DUSP19: variants seen among roughly 807,000 people sequenced by gnomAD.
DUSP19 encodes dual specificity protein phosphatase 19.
Under a neutral mutation model 16.6 loss-of-function variants are expected in DUSP19, and 14 were observed. The ratio of observed to expected loss-of-function variants is 0.84; its 90% CI spans 0.56 to 1.32. The LOEUF (loss-of-function observed/expected upper bound fraction) is 1.32, where lower values mean the gene tolerates loss of function less well. Ranked by LOEUF, DUSP19 falls within the 40% of genes most tolerant of loss-of-function variation. DUSP19 has a pLI of 0.00. For missense variants in DUSP19, 258 were observed against 255.9 expected (o/e 1.01, Z -0.06); for synonymous variants, 81 against 90.5 (o/e 0.90, Z 0.59).
intron 1 of DUSP19, among the ~76,000 whole-genome samples, chr2:183,082,009 T>A (rs1035316758): frequency 6.6e-6 from 1 of 152,206 alleles, no homozygotes; most frequent in African/African-American, 2.4e-5. Flanking sequence ...GCTTATTAAC[T>A]AGAGCCAGTT....
intron 3 of DUSP19, among the ~76,000 whole-genome samples, chr2:183,092,699 G>GTTTTTTTTTTTTTTTTTT (rs781697293): frequency 1.7e-5 from 2 of 119,176 alleles, no homozygotes. Flanking sequence ...TTCTGCCCAA[G>GTTTTTTTTTTTTTTTTTT]TTTTTTTTTT....
intron 1 of DUSP19, among the ~76,000 whole-genome samples, chr2:183,079,640 CT>C (rs1699567308): frequency 2.0e-5 from 3 of 152,296 alleles, no homozygotes; most frequent in Admixed American, 1.3e-4. Flanking sequence ...GTGGCCACGT[CT>C]GTTCATGGTG....
chr2:183,085,964 C>T (rs1699657025), intron 2 of DUSP19, among the ~76,000 whole-genome samples: 1 of 133,086 alleles, frequency 7.5e-6, no homozygotes, highest in Non-Finnish European at 1.5e-5. Context: ...CTCCTGGGTT[C>T]AAGTGATTCT....
At chr2:183,085,870 T>G (rs1198141353) in intron 2 of DUSP19, among the ~76,000 whole-genome samples, 2 of 128,808 alleles carry the variant, frequency 1.6e-5, no homozygotes, top group South Asian at 2.8e-4. Flanking sequence ...TTTTTTTTTT[T>G]TTTTTTTTTT....
In DUSP19 at chr2:183,079,009, C is replaced by G. The variant is rs1699555867; in HGVS notation, c.76C>G (p.Leu26Val). ...GAAGCAATGCACCAGGGTGACAACG[C>G]TAACTGGAAAGAAAATTATAGAAAC... Reference protein sequence around the residue: ...LRKQCTRVTTLTGKKIIETWK... With the variant: ...LRKQCTRVTTVTGKKIIETWK... The change falls in exon 1 of 4, where the codon CTA (leucine) becomes GTA (valine). Residue 26 changes from leucine to valine, a missense_variant. By Grantham distance (32) the Leu-to-Val change is conservative. Transcript: ENST00000354221. The G allele has an allele frequency of 1.2e-6, 2 of 1,614,118 alleles. No homozygotes were observed.
In DUSP19 at chr2:183,087,167, A is replaced by T; in HGVS notation, c.401A>T (p.Glu134Val). The T allele has an allele frequency of 6.2e-7, 1 of 1,612,918 alleles. No individual in the cohort carries two copies. Among genetic ancestry groups the T allele is most frequent in the Non-Finnish European group, 8.5e-7 (1 of 1,179,772 alleles). The change falls in exon 3 of 4, where the codon GAA becomes GTA. Residue 134 changes from glutamate to valine, a missense_variant. By Grantham distance (121) the Glu-to-Val change is moderately radical (BLOSUM62 -2). Coordinates refer to ENST00000354221, the MANE Select transcript of DUSP19 (RefSeq NM_080876.4). The stretch of plus-strand genomic sequence containing the variant: ...CTGTCTTATTTTCCAGAATGTTTTG[A>T]ATTTATTGAAGAAGCAAAAAGAAAA... ...NILSYFPECFEFIEEAKRKDG... is the reference protein window; with the variant it reads ...NILSYFPECFVFIEEAKRKDG...
chr2:183,089,272 A>G (rs1464992739), intron 3 of DUSP19, among the ~76,000 whole-genome samples: 1 of 152,176 alleles, frequency 6.6e-6, no homozygotes, highest in Non-Finnish European at 1.5e-5. Flanking sequence ...ACTGTTGGCT[A>G]TTCAGCAGGT....
chr2:183,087,614 A>G lies in DUSP19; in HGVS notation c.426+422A>G, dbSNP rs551167292. ...TCTGAAGTTAGAAGACCAATAGCCAATGTCATATAGTACTTCAGGCTTGTT... is the reference window on the plus strand; with the variant it reads ...TCTGAAGTTAGAAGACCAATAGCCAGTGTCATATAGTACTTCAGGCTTGTT... On this transcript the variant is annotated intron_variant, in intron 3 of 3. Coordinates refer to ENST00000354221, the MANE Select transcript of DUSP19 (RefSeq NM_080876.4). 5.9e-5 allele frequency among the ~76,000 whole-genome samples: 9 copies of G among 152,360 alleles called. No homozygotes were observed. In the South Asian group the frequency reaches 1.7e-3, roughly 28 times the overall value.
intron 1 of DUSP19, among the ~76,000 whole-genome samples, chr2:183,080,265 G>A (rs184391467): frequency 7.1e-4 from 108 of 152,322 alleles, no homozygotes; most frequent in African/African-American, 2.4e-3. Flanking sequence ...TAAAGATGAA[G>A]TAACAGTATC....
chr2:183,090,583 A>G (rs764018206), intron 3 of DUSP19, among the ~76,000 whole-genome samples: 7 of 152,242 alleles, frequency 4.6e-5, no homozygotes, highest in Non-Finnish European at 1.0e-4. Flanking sequence ...TGCAGATGAA[A>G]ATTAAGACAC....
chr2:183,089,648 C>T (rs1028734801), intron 3 of DUSP19, among the ~76,000 whole-genome samples: 2 of 152,010 alleles, frequency 1.3e-5, no homozygotes, highest in African/African-American at 4.8e-5. Flanking sequence ...AGGTGGTAGC[C>T]GAGGTGGAGC....
Position 183,095,621 on chromosome 2 carries a change from G to T in DUSP19, c.617G>T (p.Ser206Ile). 6.2e-7 allele frequency: 1 copy of T among 1,614,006 alleles called. No homozygotes were observed. Among genetic ancestry groups the T allele is most frequent in the South Asian group, 1.1e-5 (1 of 91,064 alleles). Residue 206 changes from serine (S) to isoleucine (I), a missense_variant, in exon 4 of 4, where the codon AGC (serine) becomes ATC (isoleucine). Physicochemically the swap from Ser to Ile is moderately radical, Grantham distance 142. Transcript: ENST00000354221. ...QLRTYQEGKESNKCDRIQENS... is the reference protein window; with the variant it reads ...QLRTYQEGKEINKCDRIQENS... The stretch of plus-strand genomic sequence containing the variant: ...CGTACATATCAAGAGGGCAAAGAAA[G>T]CAATAAGTGTGACAGAATACAGGAG...
intron 3 of DUSP19, among the ~76,000 whole-genome samples, chr2:183,091,780 C>A (rs1305605077): frequency 6.6e-6 from 1 of 152,198 alleles, no homozygotes; most frequent in African/African-American, 2.4e-5. Flanking sequence ...GCCCCCGGTG[C>A]TTTTGTTACT....
At chr2:183,093,054 T>C (rs1228269133) in intron 3 of DUSP19, among the ~76,000 whole-genome samples, 1 of 152,158 alleles carries the variant, frequency 6.6e-6, no homozygotes, top group Non-Finnish European at 1.5e-5. Context: ...TGGGCCTGGC[T>C]CAGTTACTGT....
At position 183,099,562 on chromosome 2, in the gene DUSP19, A is replaced by G. The variant is rs1289333979; in HGVS notation, c.*3904A>G. ...CTTTGAGTTACTTGTTTTTATACATATTCATCATGTACCCTTTATTGTTTC... is the reference window on the plus strand; with the variant it reads ...CTTTGAGTTACTTGTTTTTATACATGTTCATCATGTACCCTTTATTGTTTC... On this transcript the variant is annotated 3_prime_UTR_variant, in exon 4 of 4. Coordinates refer to ENST00000354221, the MANE Select transcript of DUSP19 (RefSeq NM_080876.4). The G allele has an allele frequency of 1.3e-5, 2 of 152,218 alleles. No homozygotes were observed. Among genetic ancestry groups the G allele is most frequent in the Non-Finnish European group, 1.5e-5 (1 of 68,038 alleles). The allele number at this position is 152,218 out of a possible 1,614,324, so 9.4% of individuals were successfully genotyped here. A position where few individuals can be genotyped will look rare whatever the true frequency, so the allele number is the denominator to read the frequency against.
At chr2:183,079,202 C>A in intron 1 of DUSP19, 43 bp downstream of exon 1, 2 of 1,552,576 alleles carry the variant, frequency 1.3e-6, no homozygotes, top group Non-Finnish European at 1.8e-6. Context: ...GTCCTTTTAG[C>A]CAGATTACGT....
intron 3 of DUSP19, among the ~76,000 whole-genome samples, chr2:183,094,535 C>G (rs1253207226): frequency 6.6e-6 from 1 of 152,098 alleles, no homozygotes; most frequent in Non-Finnish European, 1.5e-5. Context: ...CAATGCTGTC[C>G]CATCAGATCT....
rs1415632768 is a variant in DUSP19, at chr2:183,096,965, A to AT, written c.*1313dup. On this transcript the variant is annotated 3_prime_UTR_variant, in exon 4 of 4. Transcript: ENST00000354221. The stretch of plus-strand genomic sequence containing the variant: ...ATTATAAATTTGCTTAAAGATTTTG[A>AT]TTTTTTCTTCAGAATATGGTATACT... 3.4e-5 allele frequency: 5 copies of AT among 148,896 alleles called. No individual in the cohort carries two copies. Among genetic ancestry groups the AT allele is most frequent in the South Asian group, 2.1e-4 (1 of 4,728 alleles). The allele number at this position is 148,896 out of a possible 1,614,324, so 9.2% of individuals were successfully genotyped here.
chr2:183,083,660 G>C, intron 2 of DUSP19, 106 bp downstream of exon 2: 1 of 905,484 alleles, frequency 1.1e-6, no homozygotes, highest in South Asian at 2.7e-5. Context: ...GAGTTTATTT[G>C]GTAACATTTT....
Sources: gnomAD v4.1 joint callset for allele counts (sites outside exome capture counted in the v4.1 genomes callset) on GRCh38, gnomAD v4.1.1 for gene constraint, MANE v1.5 for transcripts, NCBI Gene and HGNC (gene_info 2026-07-23, HGNC 2026-07-21) for gene names.